The following NPAS3 variants were observed in gnomAD, a reference collection of about 807,000 sequenced individuals.
NPAS3 encodes the protein neuronal PAS domain-containing protein 3.
In NPAS3, 14 loss-of-function variants were observed where a neutral mutation model predicts 73.1. The ratio of observed to expected loss-of-function variants is 0.19; its 90% confidence interval spans 0.13 to 0.30. The LOEUF (loss-of-function observed/expected upper bound fraction) is 0.30, where lower values mean the gene tolerates loss of function less well. Ranked by LOEUF, NPAS3 falls within the 10% of genes least tolerant of loss-of-function variation. NPAS3 has a pLI of 1.00. For synonymous variants in NPAS3, 620 were observed against 541.5 expected, an observed-to-expected ratio of 1.14 and a Z score of -2.01; for missense variants, 1,096 against 1,250.0, an observed-to-expected ratio of 0.88 and a Z score of 1.86.
rs73256870 is a variant in NPAS3 at position 33,330,386 on chromosome 14, G to A, written c.386-36800G>A. ...GAATGATCTCCAGATTCATTTTAGT[G>A]CACTTCCTGTGGGACCTTGGGCAAG... On this transcript the variant is annotated intron_variant, in intron 3 of 11. Coordinates refer to ENST00000356141, the Ensembl canonical transcript of NPAS3. Among the ~76,000 whole-genome samples the A allele has an allele frequency of 1.6e-3, 248 of 152,286 alleles. 2 individuals carry two copies. Among genetic ancestry groups the A allele is most frequent in the African/African-American group, 5.6e-3 (232 of 41,560 alleles).
intron 5 of NPAS3, among the ~76,000 whole-genome samples, chr14:33,650,611 C>G (rs1237394208): frequency 6.6e-6 from 1 of 152,230 alleles, no homozygotes; most frequent in Non-Finnish European, 1.5e-5. Flanking sequence ...TCTTCCCCTC[C>G]TCTGAGCACA....
intron 6 of NPAS3, among the ~76,000 whole-genome samples, chr14:33,729,759 A>G (rs1318412543): frequency 6.6e-6 from 1 of 152,134 alleles, no homozygotes; most frequent in Non-Finnish European, 1.5e-5. Context: ...ATTCCACCAT[A>G]TGCTCATTAT....
rs116082898 is a variant in NPAS3 at position 33,799,233 on chromosome 14, A to C, written c.1427-501A>C. On this transcript the variant is annotated intron_variant, in intron 11 of 11. Transcript: ENST00000356141. The stretch of plus-strand genomic sequence containing the variant: ...GGGGGAGAATAACTTATGGAATAGA[A>C]AGGAGAGTGGCTCTCAGTAATGAAC... 5.3e-3 allele frequency among the ~76,000 whole-genome samples: 804 copies of C among 152,292 alleles called. 5 individuals carry two copies. Among genetic ancestry groups the C allele is most frequent in the African/African-American group, 0.018 (760 of 41,564 alleles).
intron 4 of NPAS3, among the ~76,000 whole-genome samples, chr14:33,434,955 G>A (rs548097454): frequency 6.6e-6 from 1 of 152,200 alleles, no homozygotes; most frequent in African/African-American, 2.4e-5. Context: ...TTGGGAGATG[G>A]GAACCTATAC....
intron 4 of NPAS3, among the ~76,000 whole-genome samples, chr14:33,518,216 G>A (rs996925343): frequency 1.3e-5 from 2 of 151,972 alleles, no homozygotes; most frequent in Non-Finnish European, 2.9e-5. Flanking sequence ...GTTGAGATGG[G>A]AGATTTTGAG....
At chr14:33,365,243 T>C (rs1484345738) in intron 3 of NPAS3, among the ~76,000 whole-genome samples, 2 of 145,664 alleles carry the variant, frequency 1.4e-5, no homozygotes, top group Non-Finnish European at 3.0e-5. Context: ...TTTATTCATG[T>C]GGGATCATTC....
chr14:33,636,791 G>T (rs1228242013), intron 5 of NPAS3, among the ~76,000 whole-genome samples: 1 of 152,060 alleles, frequency 6.6e-6, no homozygotes, highest in Non-Finnish European at 1.5e-5. Flanking sequence ...ATTTCAAAAT[G>T]AGACACAACT....
chr14:33,544,052 T>A (rs887187760), intron 4 of NPAS3, among the ~76,000 whole-genome samples: 1 of 128,986 alleles, frequency 7.8e-6, no homozygotes, highest in Non-Finnish European at 1.6e-5. Flanking sequence ...TCATGTAGAG[T>A]CCTTCTCCCA....
At chr14:33,256,388 T>G (rs2048782515) in intron 3 of NPAS3, among the ~76,000 whole-genome samples, 1 of 152,212 alleles carries the variant, frequency 6.6e-6, no homozygotes, top group South Asian at 2.1e-4. Flanking sequence ...ATTGTAATTA[T>G]TTTGATTGAT....
intron 2 of NPAS3, chr14:33,213,943 G>A (rs1333722268): frequency 6.6e-6 from 1 of 152,078 alleles, no homozygotes; most frequent in East Asian, 1.9e-4. Flanking sequence ...ATGTAATAGG[G>A]AATATTATTC....
intron 4 of NPAS3, among the ~76,000 whole-genome samples, chr14:33,515,528 T>A (rs1004683325): frequency 1.3e-5 from 2 of 152,092 alleles, no homozygotes; most frequent in Non-Finnish European, 2.9e-5. Context: ...CATACCCATT[T>A]GTGTAAGTAT....
At chr14:33,721,237 T>A (rs998311240) in intron 6 of NPAS3, among the ~76,000 whole-genome samples, 1 of 152,166 alleles carries the variant, frequency 6.6e-6, no homozygotes, top group African/African-American at 2.4e-5. Context: ...ATTACTTACA[T>A]ACACACTGCT....
At chr14:33,455,956 TGG>T (rs2050004210) in intron 4 of NPAS3, among the ~76,000 whole-genome samples, 1 of 152,204 alleles carries the variant, frequency 6.6e-6, no homozygotes, top group African/African-American at 2.4e-5. Context: ...CTTCTTGTCC[TGG>T]GGGTTGTCCA....
At chr14:33,426,510 C>A (rs577116178) in intron 4 of NPAS3, among the ~76,000 whole-genome samples, 1 of 152,038 alleles carries the variant, frequency 6.6e-6, no homozygotes, top group Non-Finnish European at 1.5e-5. Flanking sequence ...ACAGAGGACA[C>A]AGGCTTGTAG....
At chr14:33,670,885 T>TAACTA (rs1487082088) in intron 5 of NPAS3, among the ~76,000 whole-genome samples, 1 of 152,072 alleles carries the variant, frequency 6.6e-6, no homozygotes, top group East Asian at 1.9e-4. Flanking sequence ...AGAAAGAGAT[T>TAACTA]AACTAAGAGC....
At chr14:33,658,579 G>T (rs1161937800) in intron 5 of NPAS3, among the ~76,000 whole-genome samples, 9 of 152,158 alleles carry the variant, frequency 5.9e-5, no homozygotes, top group Non-Finnish European at 1.3e-4. Flanking sequence ...AGCTGCTCTA[G>T]TTGGAAAGTG....
At chr14:33,036,785 A>T (rs1313983174) in intron 1 of NPAS3, among the ~76,000 whole-genome samples, 2 of 152,228 alleles carry the variant, frequency 1.3e-5, no homozygotes, top group Non-Finnish European at 2.9e-5. Context: ...GGATGCTGAA[A>T]AAAATGATGT....
At chr14:33,044,953 G>C (rs1212268885) in intron 1 of NPAS3, among the ~76,000 whole-genome samples, 1 of 152,132 alleles carries the variant, frequency 6.6e-6, no homozygotes, top group Non-Finnish European at 1.5e-5. Flanking sequence ...TCAGTTTCCA[G>C]AGCCCTTCTC....
At chr14:33,137,659 T>A (rs1486637539) in intron 2 of NPAS3, among the ~76,000 whole-genome samples, 1 of 152,194 alleles carries the variant, frequency 6.6e-6, no homozygotes, top group Admixed American at 6.5e-5. Flanking sequence ...ATACGTTACA[T>A]AAGAATTAAG....
Sources: allele counts gnomAD v4.1 joint callset (sites outside exome capture counted in the v4.1 genomes callset), GRCh38; gene constraint gnomAD v4.1.1; transcripts MANE v1.5; gene names NCBI Gene and HGNC (gene_info 2026-07-23, HGNC 2026-07-21).